The following PACRGL variants were observed in gnomAD, a reference collection of about 807,000 sequenced individuals.
PACRGL encodes parkin coregulated like.
A neutral mutation model predicts 34.5 loss-of-function variants in PACRGL; 38 were observed. The ratio of observed to expected loss-of-function variants is 1.10; its 90% confidence interval spans 0.85 to 1.44. PACRGL has a LOEUF of 1.44. Ranked by LOEUF, PACRGL falls within the 40% of genes most tolerant of loss-of-function variation. The pLI, the probability that PACRGL is intolerant of heterozygous loss-of-function variation, is 0.00. For synonymous variants in PACRGL, 128 were observed against 100.1 expected (o/e 1.28, Z -1.66); for missense variants, 305 against 281.4 (o/e 1.08, Z -0.60).
At chr4:20,763,909 T>C in the PACRGL span, among the ~76,000 whole-genome samples, 1 of 152,176 alleles carries the variant, frequency 6.6e-6, no homozygotes, top group South Asian at 2.1e-4. Flanking sequence ...ATTGTCTCCA[T>C]TTCCCAGGTG....
the PACRGL span, among the ~76,000 whole-genome samples, chr4:20,764,315 TCTTTAA>T: frequency 3.9e-5 from 6 of 152,228 alleles, no homozygotes; most frequent in South Asian, 2.1e-4. Flanking sequence ...CATTTTATGT[TCTTTAA>T]CTTTAGGAAA....
chr4:20,760,654 G>C, the PACRGL span, among the ~76,000 whole-genome samples: 1 of 152,156 alleles, frequency 6.6e-6, no homozygotes, highest in African/African-American at 2.4e-5. Flanking sequence ...TGCATTCACA[G>C]AGGCAGAACT....
chr4:20,722,149 GT>G (rs1231609792), intron 7 of PACRGL, among the ~76,000 whole-genome samples: 1 of 152,238 alleles, frequency 6.6e-6, no homozygotes, highest in East Asian at 1.9e-4. Context: ...ATCTCCTGGT[GT>G]GCTGTTTGCT....
chr4:20,763,534 A>AT, the PACRGL span, among the ~76,000 whole-genome samples: 931 of 152,010 alleles, frequency 6.1e-3, 7 homozygotes, highest in Middle Eastern at 0.024. Context: ...TTCTATTCTC[A>AT]TTTTTTTTGT....
chr4:20,754,805 A>G (rs1170126354), downstream of PACRGL, among the ~76,000 whole-genome samples: 1 of 152,184 alleles, frequency 6.6e-6, no homozygotes, highest in Admixed American at 6.5e-5. Context: ...TCAAATAAAG[A>G]TATAATTTTA....
the PACRGL span, among the ~76,000 whole-genome samples, chr4:20,760,699 C>G: frequency 6.6e-6 from 1 of 152,096 alleles, no homozygotes; most frequent in Non-Finnish European, 1.5e-5. Context: ...TTGTTACACA[C>G]TAAGCCAGTG....
At chr4:20,758,701 G>T in the PACRGL span, 2 of 756,684 alleles carry the variant, frequency 2.6e-6, no homozygotes, top group Admixed American at 2.2e-5. Context: ...TGCATGCTGT[G>T]CATTAATTCT....
rs766516716 is a variant in PACRGL, at chr4:20,704,813, C to T, written c.206C>T (p.Pro69Leu). ...SDKLNPKTIN[P>L]FGEQSRVPSA... ...AAACTGAACCCTAAAACAATTAATC[C>T]GGTAGGTCCAAAACTATTCCTAACT... Residue 69 changes from proline to leucine, a missense_variant and splice_region_variant, in exon 3 of 9, where the codon CCG (proline) becomes CTG (leucine). Pro to Leu is a moderately conservative substitution (Grantham distance 98). Transcript: ENST00000503585. 3.3e-5 allele frequency: 53 copies of T among 1,613,658 alleles called. No individual in the cohort carries two copies. The highest frequency in any genetic ancestry group is 1.3e-4 in the East Asian group (6 of 44,868).
At chr4:20,739,965 AT>A (rs1229661556) in intron 8 of PACRGL, among the ~76,000 whole-genome samples, 2 of 152,180 alleles carry the variant, frequency 1.3e-5, no homozygotes, top group African/African-American at 4.8e-5. Context: ...TTCAGTAGCC[AT>A]TTTGATCAAG....
At chr4:20,720,363 C>A (rs1249785393) in intron 7 of PACRGL, among the ~76,000 whole-genome samples, 1 of 152,092 alleles carries the variant, frequency 6.6e-6, no homozygotes, top group Non-Finnish European at 1.5e-5. Flanking sequence ...TGAATCTGAT[C>A]CTGTCATTAT....
At chr4:20,717,591 A>G (rs34733889) in intron 7 of PACRGL, among the ~76,000 whole-genome samples, 25,995 of 152,108 alleles carry the variant, frequency 0.17, 2,943 homozygotes, top group East Asian at 0.42. Flanking sequence ...TAAATAGGGA[A>G]TCCTTTCCCC....
intron 8 of PACRGL, chr4:20,749,835 G>T (rs1314773231): frequency 3.0e-6 from 2 of 656,848 alleles, no homozygotes; most frequent in Non-Finnish European, 5.2e-6. Context: ...AATTAACTCT[G>T]CCTCCTTTAG....
At chr4:20,763,718 T>C in the PACRGL span, among the ~76,000 whole-genome samples, 6 of 152,076 alleles carry the variant, frequency 3.9e-5, no homozygotes, top group Non-Finnish European at 7.4e-5. Context: ...ATGCTTTATT[T>C]ATTGATTTTT....
rs892242904 is a variant in PACRGL at position 20,729,228 on chromosome 4, T to G, written c.*1887T>G. On this transcript the variant is annotated 3_prime_UTR_variant, in exon 9 of 9. Transcript: ENST00000503585. Reference sequence around the variant, plus strand: ...GATTACTTGTTATTAAGCATTACTATATACTGGAGGATAGATATCCTGACC... The same window carrying G: ...GATTACTTGTTATTAAGCATTACTAGATACTGGAGGATAGATATCCTGACC... 4 of 152,310 alleles carry G rather than the reference T, an allele frequency of 2.6e-5. No individual in the cohort carries two copies. Among genetic ancestry groups the G allele is most frequent in the Admixed American group, 1.3e-4 (2 of 15,256 alleles). The allele number at this position is 152,310 out of a possible 1,614,324, so 9.4% of individuals were successfully genotyped here.
At chr4:20,707,903 T>C (rs764692816) in intron 4 of PACRGL, 33 bp downstream of exon 4, 4 of 1,467,456 alleles carry the variant, frequency 2.7e-6, no homozygotes, top group Admixed American at 1.7e-5. Flanking sequence ...CTGACCAAAT[T>C]ATTCAAAATC....
At chr4:20,702,488 TATA>T (rs1213195080) in intron 1 of PACRGL, among the ~76,000 whole-genome samples, 3 of 152,218 alleles carry the variant, frequency 2.0e-5, no homozygotes, top group Non-Finnish European at 2.9e-5. Flanking sequence ...TAAAGAAAAT[TATA>T]ATAATAGCTA....
At chr4:20,700,834 AT>A (rs890983753) in intron 1 of PACRGL, 47 bp downstream of exon 1, 9 of 151,278 alleles carry the variant, frequency 5.9e-5, no homozygotes, top group Admixed American at 3.3e-4. Context: ...TTTTTTCTTT[AT>A]TTTTTTTCTG....
At chr4:20,708,104 A>G (rs1735393547) in intron 4 of PACRGL, among the ~76,000 whole-genome samples, 1 of 152,196 alleles carries the variant, frequency 6.6e-6, no homozygotes, top group Non-Finnish European at 1.5e-5. Context: ...CAGTTTAAGA[A>G]CTTTACTTGA....
chr4:20,748,729 A>G (rs1169652675), intron 8 of PACRGL, among the ~76,000 whole-genome samples: 1 of 149,970 alleles, frequency 6.7e-6, no homozygotes, highest in East Asian at 2.0e-4. Context: ...AATGAGGTAT[A>G]CATTTCTCAC....
Sources: gnomAD v4.1 joint callset for allele counts (sites outside exome capture counted in the v4.1 genomes callset) on GRCh38, gnomAD v4.1.1 for gene constraint, MANE v1.5 for transcripts, NCBI Gene and HGNC (gene_info 2026-07-23, HGNC 2026-07-21) for gene names.